MAPK8IP3: variants seen among roughly 807,000 people sequenced by gnomAD.
MAPK8IP3 encodes the protein mitogen-activated protein kinase 8 interacting protein 3, also known as C-Jun-amino-terminal kinase-interacting protein 3.
In MAPK8IP3, 49 loss-of-function variants were observed where a neutral mutation model predicts 157.8. The ratio of observed to expected loss-of-function variants is 0.31; its 90% confidence interval spans 0.25 to 0.39. MAPK8IP3 has a LOEUF of 0.39. MAPK8IP3 is among the 10% of genes least tolerant of loss of function. The pLI, the probability that MAPK8IP3 is intolerant of heterozygous loss-of-function variation, is 1.00. For synonymous variants in MAPK8IP3, 897 were observed against 777.7 expected (o/e 1.15, Z -2.55); for missense variants, 1,478 against 1,889.4 (o/e 0.78, Z 4.04).
intron 4 of MAPK8IP3, among the ~76,000 whole-genome samples, chr16:1,731,943 G>T (rs1171573604): frequency 6.6e-6 from 1 of 152,172 alleles, no homozygotes; most frequent in Admixed American, 6.5e-5. Context: ...TGGGGGTACC[G>T]GTGGGTTTCC....
Position 1,762,500 on chromosome 16 carries a change from C to G in MAPK8IP3, c.1670+19C>G. The G allele has an allele frequency of 1.2e-6, 2 of 1,611,248 alleles. No individual in the cohort carries two copies. The highest frequency in any genetic ancestry group is 1.7e-6 in the Non-Finnish European group (2 of 1,178,966). Reference sequence around the variant, plus strand: ...TGATCAGGTGGGAGTTGCGGCCACCCCAGGAGGGGCTGCGGGATCATCCCT... The same window carrying G: ...TGATCAGGTGGGAGTTGCGGCCACCGCAGGAGGGGCTGCGGGATCATCCCT... On this transcript the variant is annotated intron_variant, in intron 14 of 31. Coordinates refer to ENST00000610761, the MANE Select transcript of MAPK8IP3 (RefSeq NM_001318852.2).
rs1223289129 is a variant in MAPK8IP3, at chr16:1,736,901, ACCGTCTGTGT to A, written c.603-6430_603-6421del. On this transcript the variant is annotated intron_variant, in intron 4 of 31. Coordinates refer to ENST00000610761, the MANE Select transcript of MAPK8IP3 (RefSeq NM_001318852.2). The stretch of plus-strand genomic sequence containing the variant: ...GTGAGCGTGTGACCGTCCGTGTGTG[ACCGTCTGTGT>A]GAGTGACCATCCATGTGAGCATCCG... Among the ~76,000 whole-genome samples the A allele has an allele frequency of 2.0e-3, 22 of 10,736 alleles. 2 individuals carry two copies. Among genetic ancestry groups the A allele is most frequent in the Admixed American group, 5.8e-3 (3 of 514 alleles). The allele number at this position is 10,736 out of a possible 152,430, so 7.0% of individuals were successfully genotyped here.
At chr16:1,740,332 G>C (rs372939519) in intron 4 of MAPK8IP3, among the ~76,000 whole-genome samples, 9 of 147,516 alleles carry the variant, frequency 6.1e-5, no homozygotes, top group African/African-American at 2.0e-4. Flanking sequence ...CCGTGTAGGC[G>C]TCCTTGTGAG....
intron 1 of MAPK8IP3, among the ~76,000 whole-genome samples, chr16:1,717,884 C>T (rs974312196): frequency 1.3e-5 from 2 of 151,716 alleles, no homozygotes; most frequent in Non-Finnish European, 2.9e-5. Flanking sequence ...TGGAGTCTCG[C>T]TCTATCGCCC....
intron 4 of MAPK8IP3, among the ~76,000 whole-genome samples, chr16:1,738,912 A>G (rs1312712067): frequency 3.9e-5 from 4 of 101,992 alleles, no homozygotes; most frequent in Non-Finnish European, 5.5e-5. Flanking sequence ...TCCGTGTAGC[A>G]TCCATGTGTG....
chr16:1,761,452 AGCGGCCACCATTCACCATTCACAGGCGGG>A (rs1567200692), intron 13 of MAPK8IP3, 147 bp downstream of exon 13: 7 of 556,898 alleles, frequency 1.3e-5, no homozygotes, highest in African/African-American at 7.7e-5. Context: ...TCACAGGCAG[AGCGGCCACCATTCACCATTCACAGGCGGG>A]GCGGCCACCA....
rs1166046092 is a variant in MAPK8IP3, at chr16:1,738,858, C to T, written c.603-4474C>T. Among the ~76,000 whole-genome samples, 7 of 123,730 alleles carry T rather than the reference C, an allele frequency of 5.7e-5. No homozygotes were observed. The East Asian group carries it at 1.4e-3, about 25-fold the overall frequency. 81.2% of individuals were successfully genotyped at this position (123,730 alleles called of 152,430 possible). A position where few individuals can be genotyped will look rare whatever the true frequency, so the allele number is the denominator to read the frequency against. On this transcript the variant is annotated intron_variant, in intron 4 of 31. Coordinates refer to ENST00000610761, the MANE Select transcript of MAPK8IP3 (RefSeq NM_001318852.2). ...GTGAGCGTCCGTGTGAGCGTGTGAG[C>T]GTCCGTGTGAGTGTGACCATCCATG...
intron 6 of MAPK8IP3, among the ~76,000 whole-genome samples, chr16:1,747,749 C>A (rs1164533995): frequency 6.6e-6 from 1 of 151,910 alleles, no homozygotes; most frequent in Non-Finnish European, 1.5e-5. Context: ...GCACACAGCC[C>A]CACTAACCAG....
chr16:1,709,764 T>C (rs2037646961), intron 1 of MAPK8IP3, among the ~76,000 whole-genome samples: 1 of 152,242 alleles, frequency 6.6e-6, no homozygotes, highest in East Asian at 1.9e-4. Context: ...TTTGCCGGGC[T>C]TACCCGGGCA....
intron 4 of MAPK8IP3, among the ~76,000 whole-genome samples, chr16:1,737,246 CCG>C (rs2040018549): frequency 2.8e-5 from 2 of 72,360 alleles, no homozygotes; most frequent in African/African-American, 8.0e-5. Flanking sequence ...ATCCGTGTGA[CCG>C]TGTGAGCGTC....
In MAPK8IP3 at chr16:1,746,920, G is replaced by A. The variant is rs2040997373; in HGVS notation, c.748-109G>A. The A allele has an allele frequency of 1.0e-5, 14 of 1,355,386 alleles. No homozygotes were observed. The South Asian group carries it at 1.4e-4, about 14-fold the overall frequency. The allele number at this position is 1,355,386 out of a possible 1,614,324, so 84.0% of individuals were successfully genotyped here. ...AGCTCTGGCCCGCAGGGTGTCGGGC[G>A]AGGCAAAGTGCAAAGCATTGGTGCG... is the stretch of plus-strand genomic sequence containing the variant. On this transcript the variant is annotated intron_variant, in intron 5 of 31. Coordinates refer to ENST00000610761, the MANE Select transcript of MAPK8IP3 (RefSeq NM_001318852.2).
Position 1,767,600 on chromosome 16 carries a change from G to T in MAPK8IP3, c.3274G>T (p.Val1092Leu). 6.2e-7 allele frequency: 1 copy of T among 1,612,476 alleles called. No homozygotes were observed. Among genetic ancestry groups the T allele is most frequent in the Non-Finnish European group, 8.5e-7 (1 of 1,179,912 alleles). ...FDAHPRRESQ[V>L]RQLAWIGDGV... is the part of the protein sequence containing the mutation. ...CGCCCACCCGCGGCGGGAGAGCCAG[G>T]TGCGGCAGCTGGCGTGGATCGGCGA... is the stretch of plus-strand genomic sequence containing the variant. Residue 1092 changes from valine (V) to leucine (L), a missense_variant, in exon 27 of 32, where the codon GTG (valine) becomes TTG (leucine). This residue lies in a region of MAPK8IP3 where 68 missense variants were observed against 125.1 expected (regional missense o/e 0.54). Coordinates refer to ENST00000610761, the MANE Select transcript of MAPK8IP3 (RefSeq NM_001318852.2).
chr16:1,760,780 C>T (rs1223974670), intron 12 of MAPK8IP3, among the ~76,000 whole-genome samples: 1 of 152,234 alleles, frequency 6.6e-6, no homozygotes, highest in East Asian at 1.9e-4. Context: ...CACCATCCCA[C>T]TCCTCCAGCC....
chr16:1,710,674 CAG>C lies in MAPK8IP3; in HGVS notation c.318+4019_318+4020del, dbSNP rs1479788250. On this transcript the variant is annotated intron_variant, in intron 1 of 31. Coordinates refer to ENST00000610761, the MANE Select transcript of MAPK8IP3 (RefSeq NM_001318852.2). The surrounding 1 kb of genome is among the most constrained non-coding windows in gnomAD (Gnocchi z 4.1). The stretch of plus-strand genomic sequence containing the variant: ...CCATCAATGAATTAAGATGCTGAAT[CAG>C]AAATTTTTATTTTTGTTTTTCATAT... 6.6e-6 allele frequency among the ~76,000 whole-genome samples: 1 copy of C among 152,176 alleles called. No individual in the cohort carries two copies. The highest frequency in any genetic ancestry group is 1.5e-5 in the Non-Finnish European group (1 of 68,030).
intron 8 of MAPK8IP3, among the ~76,000 whole-genome samples, chr16:1,753,536 G>A (rs2041420124): frequency 6.6e-6 from 1 of 151,946 alleles, no homozygotes; most frequent in Non-Finnish European, 1.5e-5. Flanking sequence ...CGCCTCCTGG[G>A]TTCACGCCAT....
In MAPK8IP3 at chr16:1,743,419, G is replaced by A. The variant is rs377277428; in HGVS notation, c.690G>A (p.Ala230=). The change falls in exon 5 of 32, where the codon GCG becomes GCA. Residue 230 remains alanine, a synonymous_variant. Transcript: ENST00000610761. The surrounding 1 kb of genome is among the most constrained non-coding windows in gnomAD (Gnocchi z 5.6). ...RAQIGGKLVP[A]GDHWHLSDLG... ...AGATCGGGGGCAAGCTCGTGCCTGC[G>A]GGGGACCACTGGCACCTGAGTGACC... 2.4e-5 allele frequency: 38 copies of A among 1,609,438 alleles called. No homozygotes were observed. The highest frequency in any genetic ancestry group is 3.1e-5 in the Non-Finnish European group (36 of 1,178,506).
chr16:1,738,207 T>TGA (rs2040207940), intron 4 of MAPK8IP3, among the ~76,000 whole-genome samples: 1 of 92,024 alleles, frequency 1.1e-5, no homozygotes, highest in Non-Finnish European at 2.1e-5. Context: ...ACCGTCCGTG[T>TGA]GTGTGACCAT....
At chr16:1,760,847 G>T (rs962128852) in intron 12 of MAPK8IP3, among the ~76,000 whole-genome samples, 17 of 152,250 alleles carry the variant, frequency 1.1e-4, no homozygotes, top group African/African-American at 3.6e-4. Flanking sequence ...TGGGGCTCCA[G>T]CCCTTCTCTG....
chr16:1,768,431 G>T, intron 30 of MAPK8IP3, 46 bp from the exon 31 acceptor site: 2 of 1,594,618 alleles, frequency 1.3e-6, no homozygotes, highest in South Asian at 1.1e-5. Flanking sequence ...AGTGGCCGCC[G>T]CCTCCCCCAG....
Sources: allele counts gnomAD v4.1 joint callset (sites outside exome capture counted in the v4.1 genomes callset), GRCh38; gene constraint gnomAD v4.1.1; regional missense constraint gnomAD v4.1.1; non-coding constraint Gnocchi (gnomAD v3.1); transcripts MANE v1.5; gene names NCBI Gene and HGNC (gene_info 2026-07-23, HGNC 2026-07-21).